Variants in COG6 observed in about 807,000 individuals in gnomAD.
COG6 encodes conserved oligomeric Golgi complex subunit 6.
COG6 carries 74 observed loss-of-function variants against 88.8 expected under a neutral mutation model. That is an observed-to-expected ratio of 0.83 (90% CI 0.69 to 1.01). The LOEUF is 1.01. COG6 is among the 50% of genes least tolerant of loss of function. COG6 has a pLI of 0.00. For synonymous variants in COG6, 286 were observed against 278.7 expected, an observed-to-expected ratio of 1.03 and a Z score of -0.26; for missense variants, 800 against 797.9, an observed-to-expected ratio of 1.00 and a Z score of -0.03.
intron 18 of COG6, among the ~76,000 whole-genome samples, chr13:39,742,640 C>A (rs1228918874): frequency 1.3e-5 from 2 of 152,080 alleles, no homozygotes; most frequent in Admixed American, 1.3e-4. Context: ...CTTAGACTCC[C>A]ACACAATAAT....
At position 39,682,222 on chromosome 13, in the gene COG6, C is replaced by T. The variant is rs1185581594; in HGVS notation, c.746C>T (p.Thr249Ile). 1.2e-6 allele frequency: 2 copies of T among 1,612,878 alleles called. No homozygotes were observed. The highest frequency in any genetic ancestry group is 2.2e-5 in the South Asian group (2 of 91,050). Residue 249 changes from threonine to isoleucine, a missense_variant, in exon 8 of 19, where the codon ACA (threonine) becomes ATA (isoleucine). By Grantham distance (89) the Thr-to-Ile change is moderately conservative. Transcript: ENST00000455146. The part of the protein sequence containing the change: ...QESCDVSPVL[T>I]QAMEALQDRP... Reference sequence around the variant, plus strand: ...TCATGTGACGTATCTCCAGTATTGACACAGGCAATGGAAGCCCTGCAGGAC... The same window carrying T: ...TCATGTGACGTATCTCCAGTATTGATACAGGCAATGGAAGCCCTGCAGGAC...
At chr13:39,693,355 A>G (rs562585159) in intron 11 of COG6, among the ~76,000 whole-genome samples, 6 of 151,794 alleles carry the variant, frequency 4.0e-5, no homozygotes, top group Non-Finnish European at 7.4e-5. Flanking sequence ...AGTCAGAACT[A>G]AGAATATTTT....
chr13:39,680,144 TCAAA>T lies in COG6; in HGVS notation c.694+102_694+105del, dbSNP rs5803003. 0.24 allele frequency: 167,357 copies of T among 694,810 alleles called. 21,570 individuals carry two copies. The highest frequency in any genetic ancestry group is 0.27 in the Non-Finnish European group (107,084 of 399,122). The allele number at this position is 694,810 out of a possible 1,614,324, so 43.0% of individuals were successfully genotyped here. A position where few individuals can be genotyped will look rare whatever the true frequency, so the allele number is the denominator to read the frequency against. ...ATTTGATATATTTTGATTTTAGTAA[TCAAA>T]CATTTTTTAAAAATAAAAATAGTAT... is the stretch of plus-strand genomic sequence containing the variant. On this transcript the variant is annotated intron_variant, in intron 7 of 18. Transcript: ENST00000455146.
Position 39,751,010 on chromosome 13 carries a change from G to GT in COG6, c.1892dup (p.Met632AspfsTer6), listed in dbSNP as rs1486717174. The GT allele has an allele frequency of 1.3e-5, 21 of 1,613,478 alleles. No individual in the cohort carries two copies. The highest frequency in any genetic ancestry group is 3.3e-4 in the Middle Eastern group (2 of 6,080). On this transcript the variant is annotated frameshift_variant, in exon 19 of 19. Coordinates refer to ENST00000455146, the MANE Select transcript of COG6 (RefSeq NM_020751.3). LOFTEE classifies it high-confidence loss of function. Reference sequence around the variant, plus strand: ...AGCCTATGGTGAAGTGTATGCAGCCGTGATGAATCCAATCAATGAATACAA... The same window carrying GT: ...AGCCTATGGTGAAGTGTATGCAGCCGTTGATGAATCCAATCAATGAATACAA...
chr13:39,749,828 T>C (rs895505980), intron 18 of COG6, among the ~76,000 whole-genome samples: 2 of 152,134 alleles, frequency 1.3e-5, no homozygotes, highest in African/African-American at 4.8e-5. Context: ...TAGAAGGAAT[T>C]TGGGCTTCTC....
At chr13:39,736,597 A>T (rs567287193) in intron 18 of COG6, among the ~76,000 whole-genome samples, 150 of 152,286 alleles carry the variant, frequency 9.8e-4, no homozygotes, top group African/African-American at 3.2e-3. Context: ...AGACTGAGGC[A>T]GGAGAATCGC....
intron 11 of COG6, among the ~76,000 whole-genome samples, chr13:39,693,870 A>C (rs1367771555): frequency 6.6e-6 from 1 of 152,006 alleles, no homozygotes; most frequent in East Asian, 1.9e-4. Flanking sequence ...TAAAATAGGC[A>C]GAAGACATAA....
At chr13:39,668,246 A>G (rs1593410327) in intron 4 of COG6, among the ~76,000 whole-genome samples, 1 of 152,246 alleles carries the variant, frequency 6.6e-6, no homozygotes, top group East Asian at 1.9e-4. Flanking sequence ...GACTCAGTAA[A>G]TCTTGATTTG....
chr13:39,756,303 C>A (rs918371363), downstream of COG6, among the ~76,000 whole-genome samples: 1 of 151,534 alleles, frequency 6.6e-6, no homozygotes, highest in African/African-American at 2.4e-5. Context: ...AGAAAAAACT[C>A]AGAAAACTTG....
At chr13:39,666,027 T>G (rs942798150) in intron 4 of COG6, among the ~76,000 whole-genome samples, 1 of 152,070 alleles carries the variant, frequency 6.6e-6, no homozygotes, top group Non-Finnish European at 1.5e-5. Context: ...TAGAGTCGTG[T>G]GGTTACAACA....
chr13:39,667,477 T>C (rs1261597843), intron 4 of COG6, among the ~76,000 whole-genome samples: 1 of 152,204 alleles, frequency 6.6e-6, no homozygotes, highest in Non-Finnish European at 1.5e-5. Context: ...TTTTATCTTG[T>C]TGATATTGTC....
chr13:39,783,533 G>T (rs989181368), intron 18 of COG6, among the ~76,000 whole-genome samples: 2 of 152,016 alleles, frequency 1.3e-5, no homozygotes, highest in Non-Finnish European at 2.9e-5. Context: ...TTAGAGTCAA[G>T]CACTGTATCT....
chr13:39,723,822 T>G (rs1036037343), intron 16 of COG6, among the ~76,000 whole-genome samples: 1 of 152,104 alleles, frequency 6.6e-6, no homozygotes, highest in African/African-American at 2.4e-5. Context: ...ATATCACTAT[T>G]AGTTAATTGA....
intron 18 of COG6, among the ~76,000 whole-genome samples, chr13:39,741,859 G>A (rs1162290707): frequency 2.0e-5 from 3 of 152,000 alleles, no homozygotes; most frequent in Admixed American, 1.3e-4. Context: ...AGAGAGAAAG[G>A]TCGGGTTACC....
chr13:39,751,729 C>G lies in COG6; in HGVS notation c.*636C>G. The G allele has an allele frequency of 7.8e-7, 1 of 1,286,634 alleles. No individual in the cohort carries two copies. The allele number at this position is 1,286,634 out of a possible 1,614,324, so 79.7% of individuals were successfully genotyped here. A position where few individuals can be genotyped will look rare whatever the true frequency, so the allele number is the denominator to read the frequency against. ...ATTCTTATGCAATTTTAAGTATACACTCAGCAATAATTAGAAAAAAAGGAG... is the reference window on the plus strand; with the variant it reads ...ATTCTTATGCAATTTTAAGTATACAGTCAGCAATAATTAGAAAAAAAGGAG... On this transcript the variant is annotated 3_prime_UTR_variant, in exon 19 of 19. Transcript: ENST00000455146.
intron 18 of COG6, among the ~76,000 whole-genome samples, chr13:39,781,324 A>G (rs1003098112): frequency 6.6e-6 from 1 of 152,210 alleles, no homozygotes; most frequent in African/African-American, 2.4e-5. Context: ...TCACTGGAAC[A>G]TGCAAAATCA....
At chr13:39,727,652 C>A in intron 18 of COG6, 104 bp downstream of exon 18, 1 of 870,088 alleles carries the variant, frequency 1.1e-6, no homozygotes, top group Non-Finnish European at 1.9e-6. Context: ...AATGATTTAC[C>A]ATTGAAAATC....
chr13:39,785,830 C>T (rs558833336), intron 18 of COG6, among the ~76,000 whole-genome samples: 1 of 152,294 alleles, frequency 6.6e-6, no homozygotes, highest in South Asian at 2.1e-4. Context: ...AGAAGGACCA[C>T]TCCCAAATCA....
chr13:39,674,015 G>T (rs891994427), intron 4 of COG6, among the ~76,000 whole-genome samples: 8 of 151,810 alleles, frequency 5.3e-5, no homozygotes, highest in African/African-American at 1.9e-4. Context: ...CTTTGCCAAT[G>T]TAGATGAAAA....
Sources: gnomAD v4.1 joint callset for allele counts (sites outside exome capture counted in the v4.1 genomes callset) on GRCh38, gnomAD v4.1.1 for gene constraint, MANE v1.5 for transcripts, NCBI Gene and HGNC (gene_info 2026-07-23, HGNC 2026-07-21) for gene names.